The following ZBTB38 variants were observed in gnomAD, a reference collection of about 807,000 sequenced individuals.
ZBTB38 encodes the protein zinc finger and BTB domain containing 38, also known as zinc finger and BTB domain-containing protein 38.
Under a neutral mutation model 76.8 loss-of-function variants are expected in ZBTB38, and 20 were observed. That is an observed-to-expected ratio of 0.26 (90% confidence interval 0.18 to 0.38). The LOEUF (loss-of-function observed/expected upper bound fraction) is 0.38, where lower values mean the gene tolerates loss of function less well. Among genes scored for constraint, ZBTB38 ranks in the 10% least tolerant of loss-of-function variants. ZBTB38 has a pLI of 1.00. For missense variants in ZBTB38, 1,082 were observed against 1,482.3 expected, an observed-to-expected ratio of 0.73 and a Z score of 4.43; for synonymous variants, 504 against 544.2, an observed-to-expected ratio of 0.93 and a Z score of 1.03.
intron 1 of ZBTB38, among the ~76,000 whole-genome samples, chr3:141,355,789 G>C (rs779998860): frequency 2.0e-5 from 3 of 152,102 alleles, no homozygotes; most frequent in African/African-American, 2.4e-5. Flanking sequence ...CCACCATCCT[G>C]AATAATTCTT....
At chr3:141,361,789 C>T (rs1052759305) in intron 1 of ZBTB38, among the ~76,000 whole-genome samples, 10 of 152,152 alleles carry the variant, frequency 6.6e-5, no homozygotes, top group Admixed American at 2.0e-4. Flanking sequence ...ACTGATGGAG[C>T]TTCATCCCTA....
chr3:141,343,930 A>G (rs1943267212), intron 1 of ZBTB38, among the ~76,000 whole-genome samples: 1 of 152,168 alleles, frequency 6.6e-6, no homozygotes, highest in South Asian at 2.1e-4. Flanking sequence ...TTTTCACCCA[A>G]GGGCCTCTAA....
chr3:141,396,512 G>T, intron 4 of ZBTB38: 1 of 168,856 alleles, frequency 5.9e-6, no homozygotes. Context: ...TGGTAATGTT[G>T]ATATTTTGAC....
rs1298498606 is a variant in ZBTB38, at chr3:141,443,732, C to T, written c.1344C>T (p.Asp448=). ...SSTGSTLPDT[D]HMVKFVNGQM... Reference sequence around the variant, plus strand: ...CCGGAAGTACTTTGCCAGACACGGACCACATGGTTAAATTTGTTAATGGGC... The same window carrying T: ...CCGGAAGTACTTTGCCAGACACGGATCACATGGTTAAATTTGTTAATGGGC... The change falls in exon 6 of 6, where the codon GAC becomes GAT. Residue 448 remains aspartate, a synonymous_variant. Transcript: ENST00000321464. This position sits in a 1 kb window ranked among gnomAD's most constrained non-coding sequence, Gnocchi z 5.6. The T allele has an allele frequency of 1.2e-6, 2 of 1,613,984 alleles. No individual in the cohort carries two copies. Among genetic ancestry groups the T allele is most frequent in the African/African-American group, 2.7e-5 (2 of 75,054 alleles).
rs141298014 is a variant in ZBTB38, at chr3:141,347,007, T to G, written c.-738-21614T>G. Reference sequence around the variant, plus strand: ...TTTTATAAAGGAAGAACCAAAGAACTGTTCCTCATCAGTTGTGAAGCCTAG... The same window carrying G: ...TTTTATAAAGGAAGAACCAAAGAACGGTTCCTCATCAGTTGTGAAGCCTAG... On this transcript the variant is annotated intron_variant, in intron 1 of 7. Transcript: ENST00000509842. Among the ~76,000 whole-genome samples the G allele has an allele frequency of 1.2e-3, 185 of 152,340 alleles. 1 individual carries two copies. Among genetic ancestry groups the G allele is most frequent in the African/African-American group, 4.3e-3 (180 of 41,576 alleles).
chr3:141,384,331 C>A (rs1240572349), intron 3 of ZBTB38, among the ~76,000 whole-genome samples: 1 of 152,212 alleles, frequency 6.6e-6, no homozygotes, highest in Non-Finnish European at 1.5e-5. Context: ...TCCTGGGAGC[C>A]TAATATGGAT....
At chr3:141,348,945 A>C (rs1943441854) in intron 1 of ZBTB38, among the ~76,000 whole-genome samples, 1 of 152,208 alleles carries the variant, frequency 6.6e-6, no homozygotes, top group Admixed American at 6.5e-5. Context: ...CCTATATTAC[A>C]AGAGTAAGGG....
chr3:141,358,499 A>G lies in ZBTB38; in HGVS notation c.-738-10122A>G, dbSNP rs545262670. Among the ~76,000 whole-genome samples the G allele has an allele frequency of 3.3e-5, 5 of 152,370 alleles. No individual in the cohort carries two copies. In the South Asian group the frequency reaches 8.3e-4, roughly 25 times the overall value. ...AATGAATTTGTGCTTTATTTTCTAG[A>G]TAATAGATCACCACTGAAATGTTCT... On this transcript the variant is annotated intron_variant, in intron 1 of 7. Transcript: ENST00000509842.
intron 5 of ZBTB38, among the ~76,000 whole-genome samples, chr3:141,438,861 C>T (rs2079437644): frequency 6.6e-6 from 1 of 152,132 alleles, no homozygotes; most frequent in African/African-American, 2.4e-5. Context: ...TGCCATGTGC[C>T]TGGCCCCACA....
intron 1 of ZBTB38, among the ~76,000 whole-genome samples, chr3:141,356,609 G>GA (rs932035340): frequency 7.9e-5 from 12 of 151,988 alleles, no homozygotes; most frequent in Admixed American, 2.0e-4. Context: ...GGAAGCCAGG[G>GA]ATGGGGAAAC....
chr3:141,431,341 A>AATATATATAT (rs1553771301), intron 5 of ZBTB38, among the ~76,000 whole-genome samples: 9 of 103,252 alleles, frequency 8.7e-5, no homozygotes, highest in Middle Eastern at 4.1e-3. Flanking sequence ...AAAAAAAAAA[A>AATATATATAT]ATATATATAT....
At chr3:141,329,075 T>C (rs2148875195) in intron 1 of ZBTB38, among the ~76,000 whole-genome samples, 1 of 152,192 alleles carries the variant, frequency 6.6e-6, no homozygotes, top group South Asian at 2.1e-4. Flanking sequence ...ATACTACAAA[T>C]ACAACAGCGA....
chr3:141,408,933 C>A (rs544289064), intron 5 of ZBTB38, among the ~76,000 whole-genome samples: 1 of 152,300 alleles, frequency 6.6e-6, no homozygotes, highest in African/African-American at 2.4e-5. Flanking sequence ...AGGTCTGTAC[C>A]TTATATGCAT....
At chr3:141,327,900 C>T (rs1015365391) in intron 1 of ZBTB38, among the ~76,000 whole-genome samples, 1 of 152,176 alleles carries the variant, frequency 6.6e-6, no homozygotes, top group Non-Finnish European at 1.5e-5. Flanking sequence ...TGGAAAGCTA[C>T]TGAGACTCTG....
At chr3:141,392,801 C>T (rs2149370968) in intron 4 of ZBTB38, 2 of 151,948 alleles carry the variant, frequency 1.3e-5, no homozygotes, top group South Asian at 4.2e-4. Flanking sequence ...TTTTTGCTTT[C>T]TTACCTTCCC....
chr3:141,340,753 C>T (rs1469799185), intron 1 of ZBTB38, among the ~76,000 whole-genome samples: 4 of 151,346 alleles, frequency 2.6e-5, no homozygotes, highest in Non-Finnish European at 5.9e-5. Context: ...AAAAATTAGC[C>T]GGGTGTGGTG....
intron 1 of ZBTB38, among the ~76,000 whole-genome samples, chr3:141,360,057 A>G (rs1943775622): frequency 6.6e-6 from 1 of 152,238 alleles, no homozygotes; most frequent in African/African-American, 2.4e-5. Flanking sequence ...TGCCCATAAT[A>G]ATAAATACAA....
intron 5 of ZBTB38, among the ~76,000 whole-genome samples, chr3:141,406,496 G>A (rs1954484058): frequency 6.6e-6 from 1 of 152,184 alleles, no homozygotes; most frequent in Non-Finnish European, 1.5e-5. Flanking sequence ...TCAGAAGGAG[G>A]TAAGGAGCTA....
intron 5 of ZBTB38, among the ~76,000 whole-genome samples, chr3:141,429,638 A>ACGACGGGTGATAATTGG (rs2077061633): frequency 6.6e-6 from 1 of 152,200 alleles, no homozygotes; most frequent in Non-Finnish European, 1.5e-5. Flanking sequence ...CAAGCAGGCA[A>ACGACGGGTGATAATTGG]CGACGGGTGA....
Sources: allele counts gnomAD v4.1 joint callset (sites outside exome capture counted in the v4.1 genomes callset), GRCh38; gene constraint gnomAD v4.1.1; non-coding constraint Gnocchi (gnomAD v3.1); transcripts MANE v1.5; gene names NCBI Gene and HGNC (gene_info 2026-07-23, HGNC 2026-07-21).